The following SHC2 variants were observed in gnomAD, a reference collection of about 807,000 sequenced individuals.
SHC2 encodes the protein SHC-transforming protein 2.
A neutral mutation model predicts 60.6 loss-of-function variants in SHC2; 62 were observed. That is an observed-to-expected ratio of 1.02 (90% CI 0.83 to 1.26). SHC2 has a LOEUF of 1.26. Ranked by LOEUF, SHC2 falls within the 50% of genes most tolerant of loss-of-function variation. The probability of loss-of-function intolerance (pLI) is 0.00; values close to 1 mark genes in which losing one functional copy is unlikely to be tolerated. For synonymous variants in SHC2, 375 were observed against 372.4 expected, an observed-to-expected ratio of 1.01 and a Z score of -0.08; for missense variants, 873 against 822.2, an observed-to-expected ratio of 1.06 and a Z score of -0.76.
intron 1 of SHC2, among the ~76,000 whole-genome samples, chr19:450,484 C>G (rs1568296634): frequency 6.6e-6 from 1 of 151,406 alleles, no homozygotes; most frequent in Non-Finnish European, 1.5e-5. Flanking sequence ...TCAAACTGAC[C>G]CCACAAAACA....
chr19:442,547 G>GGATGGGTGGGTGGGTGGA (rs1974906792), intron 1 of SHC2, among the ~76,000 whole-genome samples: 1 of 30,220 alleles, frequency 3.3e-5, no homozygotes, highest in Admixed American at 3.4e-4. Context: ...GGGTGGGTGG[G>GGATGGGTGGGTGGGTGGA]TGGATGGGTG....
intron 11 of SHC2, among the ~76,000 whole-genome samples, chr19:421,697 T>C (rs1434410651): frequency 6.6e-6 from 1 of 151,998 alleles, no homozygotes; most frequent in Non-Finnish European, 1.5e-5. Context: ...GGCAGGAGGA[T>C]CACTTGAGGC....
chr19:430,426 C>T (rs1217951020), intron 9 of SHC2, among the ~76,000 whole-genome samples: 1 of 151,902 alleles, frequency 6.6e-6, no homozygotes, highest in African/African-American at 2.4e-5. Flanking sequence ...TGACACAGTA[C>T]CTATACCCAA....
intron 12 of SHC2, 69 bp downstream of exon 12, chr19:418,854 C>T: frequency 6.6e-7 from 1 of 1,514,274 alleles, no homozygotes; most frequent in Non-Finnish European, 8.9e-7. Context: ...AACCGGGTCT[C>T]AATTTTCAAA....
At chr19:437,600 T>C (rs1974756324) in intron 4 of SHC2, among the ~76,000 whole-genome samples, 1 of 152,012 alleles carries the variant, frequency 6.6e-6, no homozygotes, top group Non-Finnish European at 1.5e-5. Flanking sequence ...GTCCATATAG[T>C]GGTCAGGGGT....
intron 1 of SHC2, among the ~76,000 whole-genome samples, chr19:457,188 C>T (rs563631802): frequency 3.1e-5 from 4 of 129,510 alleles, no homozygotes; most frequent in African/African-American, 1.3e-4. Context: ...TGCTGTGCCC[C>T]GACTAGAACT....
intron 8 of SHC2, among the ~76,000 whole-genome samples, chr19:433,585 A>C (rs868063465): frequency 1.6e-4 from 8 of 50,628 alleles, no homozygotes; most frequent in Admixed American, 1.9e-4. Flanking sequence ...TGAGTGAGAT[A>C]GTGAGTGAGA....
At chr19:448,192 G>A (rs1222904393) in intron 1 of SHC2, among the ~76,000 whole-genome samples, 1 of 152,242 alleles carries the variant, frequency 6.6e-6, no homozygotes, top group Non-Finnish European at 1.5e-5. Context: ...CTTTACGGGG[G>A]AGAAAAGTCA....
intron 5 of SHC2, 34 bp downstream of exon 5, chr19:436,596 A>C (rs1192580473): frequency 6.3e-7 from 1 of 1,595,764 alleles, no homozygotes; most frequent in Non-Finnish European, 8.5e-7. Context: ...GGGGGGCGGC[A>C]GGGCTGCAGG....
chr19:460,409 G>A (rs1218806144), intron 1 of SHC2, 120 bp downstream of exon 1: 5 of 383,432 alleles, frequency 1.3e-5, no homozygotes, highest in Non-Finnish European at 2.1e-5. Flanking sequence ...CGGGGTGGCG[G>A]GAGAGCAGGA....
chr19:435,324 C>T (rs1974690755), intron 7 of SHC2, among the ~76,000 whole-genome samples: 2 of 152,366 alleles, frequency 1.3e-5, no homozygotes, highest in Non-Finnish European at 2.9e-5. Flanking sequence ...GTGCACCCCA[C>T]CTGGCCCACA....
At chr19:418,345 G>A (rs539928294) in intron 12 of SHC2, among the ~76,000 whole-genome samples, 134 of 152,362 alleles carry the variant, frequency 8.8e-4, no homozygotes, top group South Asian at 1.4e-3. Context: ...GCAGTGTCAC[G>A]GTCATGGCTG....
chr19:421,397 C>CAAAAAAAAAAAAAAAA (rs10582067), intron 11 of SHC2, among the ~76,000 whole-genome samples: 1 of 120,108 alleles, frequency 8.3e-6, no homozygotes, highest in Non-Finnish European at 1.7e-5. Context: ...GAGACTCCAT[C>CAAAAAAAAAAAAAAAA]AAAAAAAAAA....
At chr19:444,981 C>T (rs1380183989) in intron 1 of SHC2, among the ~76,000 whole-genome samples, 2 of 152,228 alleles carry the variant, frequency 1.3e-5, no homozygotes, top group East Asian at 1.9e-4. Context: ...CCTGAACCCA[C>T]ACCCCTGGGC....
chr19:418,864 A>G (rs899889806), intron 12 of SHC2, 59 bp downstream of exon 12: 1 of 1,535,208 alleles, frequency 6.5e-7, no homozygotes, highest in Non-Finnish European at 8.8e-7. Flanking sequence ...CAATTTTCAA[A>G]TCAGAAAAGA....
At chr19:418,101 G>A (rs955944169) in intron 12 of SHC2, among the ~76,000 whole-genome samples, 3 of 151,970 alleles carry the variant, frequency 2.0e-5, no homozygotes, top group Non-Finnish European at 4.4e-5. Context: ...TCCCTCCTCC[G>A]TCCACACCCT....
chr19:422,798 T>G lies in SHC2; in HGVS notation c.1310-342A>C. 1 of 220,338 alleles carries G rather than the reference T, an allele frequency of 4.5e-6. No individual in the cohort carries two copies. The highest frequency in any genetic ancestry group is 8.9e-6 in the Non-Finnish European group (1 of 112,418). 13.6% of individuals were successfully genotyped at this position (220,338 alleles called of 1,614,324 possible). A position where few individuals can be genotyped will look rare whatever the true frequency, so the allele number is the denominator to read the frequency against. ...CCCAAAGCGTACGCCTCTCGTTTCC[T>G]TGTCTGGTCTTACTGCATTGGCCGC... On this transcript the variant is annotated intron_variant, in intron 10 of 12. Transcript: ENST00000264554. The surrounding 1 kb of genome is among the most constrained non-coding windows in gnomAD (Gnocchi z 5.0).
chr19:448,982 G>A (rs1444096784), intron 1 of SHC2, among the ~76,000 whole-genome samples: 5 of 149,348 alleles, frequency 3.3e-5, no homozygotes, highest in South Asian at 2.1e-4. Flanking sequence ...GTGAAACCCC[G>A]TCTCTACAAA....
chr19:429,249 A>G (rs948338265), intron 9 of SHC2, among the ~76,000 whole-genome samples: 1 of 139,144 alleles, frequency 7.2e-6, no homozygotes, highest in Non-Finnish European at 1.5e-5. Flanking sequence ...CAGTACCTAT[A>G]CCCAACATGC....
Sources: allele counts gnomAD v4.1 joint callset (sites outside exome capture counted in the v4.1 genomes callset), GRCh38; gene constraint gnomAD v4.1.1; non-coding constraint Gnocchi (gnomAD v3.1); transcripts MANE v1.5; gene names NCBI Gene and HGNC (gene_info 2026-07-23, HGNC 2026-07-21).